The following SF1 variants were observed in gnomAD, a reference collection of about 807,000 sequenced individuals.
The protein encoded by SF1 is branch point-binding protein.
A neutral mutation model predicts 62.5 loss-of-function variants in SF1; 7 were observed. The ratio of observed to expected loss-of-function variants is 0.11; its 90% CI spans 0.06 to 0.21. The LOEUF (loss-of-function observed/expected upper bound fraction) is 0.21, where lower values mean the gene tolerates loss of function less well. Ranked by LOEUF, SF1 falls within the 10% of genes least tolerant of loss-of-function variation. The pLI is 1.00. For missense variants in SF1, 578 were observed against 884.0 expected, an observed-to-expected ratio of 0.65 and a Z score of 4.39; for synonymous variants, 394 against 323.6, an observed-to-expected ratio of 1.22 and a Z score of -2.33.
At chr11:64,777,880 G>T in intron 1 of SF1, 29 of 934,208 alleles carry the variant, frequency 3.1e-5, no homozygotes, top group Non-Finnish European at 3.7e-5. Context: ...CCCCGTGCGC[G>T]CACGCGCGCC....
rs1939685808 is a variant in SF1, at chr11:64,778,130, G to A, written c.31+232C>T. 7.1e-6 allele frequency: 6 copies of A among 844,172 alleles called. No individual in the cohort carries two copies. The South Asian group carries it at 2.2e-4, about 30-fold the overall frequency. The allele number at this position is 844,172 out of a possible 1,614,324, so 52.3% of individuals were successfully genotyped here. On this transcript the variant is annotated intron_variant, in intron 1 of 12. Coordinates refer to ENST00000377390, the MANE Select transcript of SF1 (RefSeq NM_004630.4). ...GTACGAGGCGCCGGGGGACGGTGGCGGTGGAGGCGGCGGCGGCTGCTGGGG... is the reference window on the plus strand; with the variant it reads ...GTACGAGGCGCCGGGGGACGGTGGCAGTGGAGGCGGCGGCGGCTGCTGGGG...
rs747042087 is a variant in SF1 at position 64,770,229 on chromosome 11, C to T, written c.389+27G>A. The T allele has an allele frequency of 1.1e-5, 17 of 1,607,194 alleles. No individual in the cohort carries two copies. The South Asian group carries it at 1.9e-4, about 18-fold the overall frequency. On this transcript the variant is annotated intron_variant, in intron 4 of 12. Transcript: ENST00000377390. ...ACCCATGATCTGCATGTGTCTTCAT[C>T]CCAGATGACCGAGCCCCTCCGCTTA...
At chr11:64,770,544 G>T in intron 3 of SF1, 136 bp from the exon 4 acceptor site, 2 of 928,130 alleles carry the variant, frequency 2.2e-6, no homozygotes, top group Non-Finnish European at 3.2e-6. Flanking sequence ...ACCATAACGT[G>T]TGCTACTCAA....
At position 64,764,841 on chromosome 11, in the gene SF1, G is replaced by C. The variant is rs779203716; in HGVS notation, c.*977C>G. The C allele has an allele frequency of 6.6e-6, 1 of 152,554 alleles. No homozygotes were observed. Among genetic ancestry groups the C allele is most frequent in the South Asian group, 2.1e-4 (1 of 4,836 alleles). The allele number at this position is 152,554 out of a possible 1,614,324, so 9.5% of individuals were successfully genotyped here. On this transcript the variant is annotated 3_prime_UTR_variant, in exon 13 of 13. Transcript: ENST00000377390. ...CACTGCAAAACATTCAGACATTTGG[G>C]ATTAAAACAAAACATAAAAGGAAGC...
In SF1 at chr11:64,772,546, G is replaced by A. The variant is rs1392579374; in HGVS notation, c.236+884C>T. On this transcript the variant is annotated intron_variant, in intron 3 of 12. Coordinates refer to ENST00000377390, the MANE Select transcript of SF1 (RefSeq NM_004630.4). ...TCCTGATTTAATAAGCTATTAACTG[G>A]GTAACAAAAACCAAAAACACTACTT... is the stretch of plus-strand genomic sequence containing the variant. 7.1e-6 allele frequency: 7 copies of A among 984,912 alleles called. No individual in the cohort carries two copies. In the South Asian group the frequency reaches 2.3e-4, roughly 33 times the overall value. 61.0% of individuals were successfully genotyped at this position (984,912 alleles called of 1,614,324 possible). A position where few individuals can be genotyped will look rare whatever the true frequency, so the allele number is the denominator to read the frequency against.
At chr11:64,768,310 A>T in intron 8 of SF1, 24 bp from the exon 9 acceptor site, 1 of 1,606,958 alleles carries the variant, frequency 6.2e-7, no homozygotes, top group East Asian at 2.2e-5. Context: ...GGGGACACAA[A>T]CAGAGAAAGG....
chr11:64,777,780 G>GGCCCCCCC, intron 1 of SF1: 5 of 445,336 alleles, frequency 1.1e-5, no homozygotes, highest in Non-Finnish European at 1.1e-5. Flanking sequence ...AGCGCCTCCC[G>GGCCCCCCC]CCCGCCCAGC....
intron 1 of SF1, chr11:64,777,372 A>T (rs921177045): frequency 9.9e-6 from 4 of 404,112 alleles, no homozygotes; most frequent in Non-Finnish European, 1.3e-5. Context: ...AAACAAAGCG[A>T]CAGGGCAGCC....
At chr11:64,775,721 G>C (rs868530167) in intron 2 of SF1, among the ~76,000 whole-genome samples, 3 of 152,116 alleles carry the variant, frequency 2.0e-5, no homozygotes, top group African/African-American at 7.2e-5. Context: ...GGTATATAAA[G>C]ATAAAACTTG....
At chr11:64,768,036 G>A in intron 9 of SF1, 70 bp downstream of exon 9, 1 of 1,520,204 alleles carries the variant, frequency 6.6e-7, no homozygotes, top group African/African-American at 1.4e-5. Context: ...CAAACCACGT[G>A]GCCATAGCTC....
intron 3 of SF1, chr11:64,773,021 T>C (rs1290332526): frequency 4.0e-6 from 4 of 1,010,848 alleles, no homozygotes; most frequent in Non-Finnish European, 4.7e-6. Context: ...CTTGCTCAAG[T>C]TCAGTGATGC....
In SF1 at chr11:64,767,841, G is replaced by A. The variant is rs760103097; in HGVS notation, c.1072C>T (p.Leu358Phe). Residue 358 changes from leucine (L) to phenylalanine (F), a missense_variant, in exon 10 of 13, where the codon CTC becomes TTC. By Grantham distance (22) the Leu-to-Phe change is conservative. Transcript: ENST00000377390. ...GGGCGGCTCTGGGTGGTAGACATGA[G>A]AGACTACGTGAGAGCATTTCCTGCC... Reference protein sequence around the residue: ...APANNPPPPSLMSTTQSRPPW... With the variant: ...APANNPPPPSFMSTTQSRPPW... 6.2e-7 allele frequency: 1 copy of A among 1,605,390 alleles called. No homozygotes were observed. The highest frequency in any genetic ancestry group is 8.5e-7 in the Non-Finnish European group (1 of 1,177,490).
At chr11:64,777,893 T>TGCCGCGTGCA (rs937619242) in intron 1 of SF1, 3 of 935,026 alleles carry the variant, frequency 3.2e-6, no homozygotes, top group Admixed American at 6.4e-5. Flanking sequence ...CGCGCGCCCC[T>TGCCGCGTGCA]GCCGCGTGCA....
rs776970601 is a variant in SF1, at chr11:64,768,305, CACAA to C, written c.888-23_888-20del. The C allele has an allele frequency of 1.8e-5, 29 of 1,607,216 alleles. No homozygotes were observed. Among genetic ancestry groups the C allele is most frequent in the East Asian group, 2.2e-5 (1 of 44,596 alleles). ...ACCAGGCCTGAAGTGGGGTGGGGGA[CACAA>C]ACAGAGAAAGGGGAAAAACTTGTTA... On this transcript the variant is annotated intron_variant, in intron 8 of 12. Transcript: ENST00000377390.
intron 2 of SF1, among the ~76,000 whole-genome samples, chr11:64,774,918 A>T (rs984933210): frequency 5.3e-5 from 8 of 150,170 alleles, no homozygotes; most frequent in Non-Finnish European, 1.2e-4. Context: ...CCGAGATCGC[A>T]CCACTACACT....
chr11:64,774,699 C>T lies in SF1; in HGVS notation c.161-1194G>A, dbSNP rs536348107. 2.0e-5 allele frequency among the ~76,000 whole-genome samples: 3 copies of T among 152,294 alleles called. No homozygotes were observed. In the South Asian group the frequency reaches 6.2e-4, roughly 32 times the overall value. ...TACTGGCCGGGCACAGTGGCTCACACCTGTAATCCCAGTACTTTGGGAGGC... is the reference window on the plus strand; with the variant it reads ...TACTGGCCGGGCACAGTGGCTCACATCTGTAATCCCAGTACTTTGGGAGGC... On this transcript the variant is annotated intron_variant, in intron 2 of 12. Coordinates refer to ENST00000377390, the MANE Select transcript of SF1 (RefSeq NM_004630.4).
rs1234010380 is a variant in SF1, at chr11:64,769,014, C to A, written c.887+8G>T. 1.9e-6 allele frequency: 3 copies of A among 1,596,750 alleles called. No individual in the cohort carries two copies. Among genetic ancestry groups the A allele is most frequent in the Admixed American group, 3.3e-5 (2 of 59,986 alleles). On this transcript the variant is annotated splice_region_variant and intron_variant, in intron 8 of 12. Transcript: ENST00000377390. ...GCTACCAGGAAACCGCAAGAGCCAG[C>A]CCCTCACCTTTGGAATTTACAGTCT...
At chr11:64,768,313 G>C (rs1937678386) in intron 8 of SF1, 27 bp from the exon 9 acceptor site, 1 of 1,602,114 alleles carries the variant, frequency 6.2e-7, no homozygotes. Context: ...GACACAAACA[G>C]AGAAAGGGGA....
At chr11:64,772,095 A>G in intron 3 of SF1, 1 of 985,446 alleles carries the variant, frequency 1.0e-6, no homozygotes, top group Non-Finnish European at 1.2e-6. Context: ...TGCAGAAGTG[A>G]AAGGCAAAAG....
Sources: allele counts gnomAD v4.1 joint callset (sites outside exome capture counted in the v4.1 genomes callset), GRCh38; gene constraint gnomAD v4.1.1; transcripts MANE v1.5; gene names NCBI Gene and HGNC (gene_info 2026-07-23, HGNC 2026-07-21).